The following ITPR2 variants were observed in gnomAD, a reference collection of about 807,000 sequenced individuals.
ITPR2 encodes inositol 1,4,5-trisphosphate-gated calcium channel ITPR2.
ITPR2 carries 207 observed loss-of-function variants against 317.1 expected under a neutral mutation model. That is an observed-to-expected ratio of 0.65 (90% confidence interval 0.58 to 0.73). The LOEUF (loss-of-function observed/expected upper bound fraction) is 0.73, where lower values mean the gene tolerates loss of function less well. Ranked by LOEUF, ITPR2 falls within the 30% of genes least tolerant of loss-of-function variation. The probability of loss-of-function intolerance (pLI) is 0.00; values close to 1 mark genes in which losing one functional copy is unlikely to be tolerated. For synonymous variants in ITPR2, 1,156 were observed against 1,149.1 expected (o/e 1.01, Z -0.12); for missense variants, 2,613 against 3,284.0 (o/e 0.80, Z 4.99).
chr12:26,433,750 T>C (rs1941280024), intron 48 of ITPR2, among the ~76,000 whole-genome samples: 1 of 152,260 alleles, frequency 6.6e-6, no homozygotes, highest in South Asian at 2.1e-4. Context: ...AGTGGGTATC[T>C]ATTTAGCTGG....
chr12:26,796,084 C>T (rs112770465), intron 1 of ITPR2, among the ~76,000 whole-genome samples: 2,319 of 152,088 alleles, frequency 0.015, 59 homozygotes, highest in African/African-American at 0.053. Flanking sequence ...ACAAGCTGCA[C>T]CTGCCCAGAA....
intron 51 of ITPR2, among the ~76,000 whole-genome samples, chr12:26,414,241 A>G (rs556381983): frequency 6.6e-6 from 1 of 152,228 alleles, no homozygotes; most frequent in African/African-American, 2.4e-5. Flanking sequence ...AAGTTTAATA[A>G]CTTCCAGTCC....
intron 54 of ITPR2, among the ~76,000 whole-genome samples, chr12:26,396,302 TCA>T (rs1939995679): frequency 6.6e-6 from 1 of 152,200 alleles, no homozygotes; most frequent in Admixed American, 6.5e-5. Flanking sequence ...CTGATCTCTC[TCA>T]GTTTCCTTCT....
chr12:26,649,808 G>T (rs1947202046), intron 21 of ITPR2, among the ~76,000 whole-genome samples: 1 of 151,432 alleles, frequency 6.6e-6, no homozygotes, highest in African/African-American at 2.4e-5. Context: ...TAGATAGATA[G>T]ATAGATAGAT....
Position 26,340,271 on chromosome 12 carries a change from C to T in ITPR2, c.7915G>A (p.Gly2639Ser), listed in dbSNP as rs1305707374. 1 of 1,611,316 alleles carries T rather than the reference C, an allele frequency of 6.2e-7. No individual in the cohort carries two copies. Among genetic ancestry groups the T allele is most frequent in the Admixed American group, 1.7e-5 (1 of 59,694 alleles). Reference sequence around the variant, plus strand: ...CGAATTTCATTTTGCTCACTGTCGCCTTCATTGCTAACGAGGGACATGGCT... The same window carrying T: ...CGAATTTCATTTTGCTCACTGTCGCTTTCATTGCTAACGAGGGACATGGCT... ...MRAMSLVSNEGDSEQNEIRSL... is the reference protein window; with the variant it reads ...MRAMSLVSNESDSEQNEIRSL... Residue 2639 changes from glycine to serine, a missense_variant, in exon 56 of 57, where the codon GGC (glycine) becomes AGC (serine). Coordinates refer to ENST00000381340, the MANE Select transcript of ITPR2 (RefSeq NM_002223.4).
intron 2 of ITPR2, among the ~76,000 whole-genome samples, chr12:26,726,874 A>C (rs977224472): frequency 3.3e-4 from 51 of 152,328 alleles, no homozygotes; most frequent in African/African-American, 1.2e-3. Context: ...TGTAGGAAAA[A>C]CAAGACAATG....
chr12:26,365,343 T>C (rs574904883), intron 55 of ITPR2, among the ~76,000 whole-genome samples: 1 of 152,338 alleles, frequency 6.6e-6, no homozygotes, highest in Admixed American at 6.5e-5. Flanking sequence ...ATTCCAGGAT[T>C]CAAGAAATGG....
At chr12:26,674,772 G>C (rs559949858) in intron 13 of ITPR2, among the ~76,000 whole-genome samples, 2 of 152,100 alleles carry the variant, frequency 1.3e-5, no homozygotes, top group East Asian at 3.9e-4. Flanking sequence ...CCACAAAATG[G>C]GAGAAAATTT....
intron 48 of ITPR2, among the ~76,000 whole-genome samples, chr12:26,434,594 T>G (rs566866436): frequency 2.6e-5 from 4 of 152,254 alleles, no homozygotes; most frequent in Admixed American, 1.3e-4. Flanking sequence ...AGGTCTTGTA[T>G]GAAGAAGGGA....
intron 45 of ITPR2, among the ~76,000 whole-genome samples, chr12:26,467,914 T>G (rs918750097): frequency 6.6e-6 from 1 of 152,168 alleles, no homozygotes; most frequent in Non-Finnish European, 1.5e-5. Context: ...CAGGCATTTT[T>G]TTCCCATTAT....
chr12:26,396,364 A>G (rs377515425), intron 54 of ITPR2, among the ~76,000 whole-genome samples: 11 of 152,078 alleles, frequency 7.2e-5, no homozygotes, highest in African/African-American at 2.7e-4. Flanking sequence ...AAATTCACCA[A>G]AGCCTCCTAA....
At chr12:26,678,811 A>G (rs1241219362) in intron 13 of ITPR2, among the ~76,000 whole-genome samples, 1 of 152,224 alleles carries the variant, frequency 6.6e-6, no homozygotes, top group Non-Finnish European at 1.5e-5. Context: ...CTTCCTTAGA[A>G]TCATCTTGAG....
At chr12:26,389,096 C>G (rs1212201888) in intron 54 of ITPR2, among the ~76,000 whole-genome samples, 1 of 152,192 alleles carries the variant, frequency 6.6e-6, no homozygotes, top group Non-Finnish European at 1.5e-5. Flanking sequence ...CCATTGTCAT[C>G]CCTCATGTGG....
intron 43 of ITPR2, among the ~76,000 whole-genome samples, chr12:26,479,540 A>G (rs1459025723): frequency 1.3e-4 from 20 of 152,214 alleles, no homozygotes; most frequent in Non-Finnish European, 1.2e-4. Context: ...TTCTTAATGA[A>G]TTATGGTTAA....
chr12:26,596,654 A>AG (rs549833188), intron 31 of ITPR2, among the ~76,000 whole-genome samples: 18,895 of 151,078 alleles, frequency 0.13, 1,560 homozygotes, highest in Admixed American at 0.19. Flanking sequence ...CTCAAAAAAA[A>AG]AAAAAAAAAA....
At chr12:26,769,441 T>TG (rs1949800957) in intron 2 of ITPR2, among the ~76,000 whole-genome samples, 1 of 152,120 alleles carries the variant, frequency 6.6e-6, no homozygotes, top group Non-Finnish European at 1.5e-5. Flanking sequence ...GGAAAGGCAG[T>TG]TGACTTCGGC....
rs1426440628 is a variant in ITPR2, at chr12:26,658,045, T to C, written c.1972A>G (p.Ser658Gly). ...TQELICKFML[S>G]PGNADILIQT... ...ATGAGAATGTCTGCATTGCCTGGAC[T>C]CAACATAAATTTACAGATGAGTTCT... Residue 658 changes from serine to glycine, a missense_variant, in exon 17 of 57, where the codon AGT (serine) becomes GGT (glycine). By Grantham distance (56) the Ser-to-Gly change is moderately conservative (BLOSUM62 0). Coordinates refer to ENST00000381340, the MANE Select transcript of ITPR2 (RefSeq NM_002223.4). The C allele has an allele frequency of 3.1e-6, 5 of 1,613,404 alleles. No homozygotes were observed. Among genetic ancestry groups the C allele is most frequent in the Non-Finnish European group, 4.2e-6 (5 of 1,179,582 alleles).
At chr12:26,703,149 T>C (rs964486534) in intron 9 of ITPR2, among the ~76,000 whole-genome samples, 14 of 152,224 alleles carry the variant, frequency 9.2e-5, no homozygotes, top group Non-Finnish European at 2.9e-5. Context: ...CTTATCTAAT[T>C]TGTGCTTAGA....
chr12:26,543,108 C>T (rs895970886), intron 37 of ITPR2, among the ~76,000 whole-genome samples: 7 of 152,050 alleles, frequency 4.6e-5, no homozygotes, highest in South Asian at 2.1e-4. Context: ...GTACAAGATG[C>T]GGGAAATTGA....
Sources: allele counts gnomAD v4.1 joint callset (sites outside exome capture counted in the v4.1 genomes callset), GRCh38; gene constraint gnomAD v4.1.1; transcripts MANE v1.5; gene names NCBI Gene and HGNC (gene_info 2026-07-23, HGNC 2026-07-21).